Variants in UVRAG observed in about 807,000 individuals in gnomAD.
UVRAG encodes the protein UV radiation resistance associated.
UVRAG carries 19 observed loss-of-function variants against 78.0 expected under a neutral mutation model. The observed-to-expected ratio is 0.24, with a 90% CI of 0.17 to 0.36. UVRAG has a LOEUF of 0.36. Among genes scored for constraint, UVRAG ranks in the 10% least tolerant of loss-of-function variants. UVRAG has a pLI of 1.00. For missense variants in UVRAG, 740 were observed against 853.8 expected, an observed-to-expected ratio of 0.87 and a Z score of 1.66; for synonymous variants, 323 against 324.6, an observed-to-expected ratio of 1.00 and a Z score of 0.05.
At chr11:76,040,927 G>A (rs1263153785) in intron 12 of UVRAG, among the ~76,000 whole-genome samples, 2 of 152,116 alleles carry the variant, frequency 1.3e-5, no homozygotes, top group Non-Finnish European at 2.9e-5. Context: ...GACAAGGAGG[G>A]TTTGGTTGAA....
At chr11:75,900,046 T>C (rs927712649) in intron 5 of UVRAG, among the ~76,000 whole-genome samples, 3 of 152,212 alleles carry the variant, frequency 2.0e-5, no homozygotes, top group Non-Finnish European at 2.9e-5. Context: ...TCTGGGAAAA[T>C]GCCACGTTTC....
At chr11:76,074,519 T>A (rs1032306053) in intron 13 of UVRAG, among the ~76,000 whole-genome samples, 1 of 152,218 alleles carries the variant, frequency 6.6e-6, no homozygotes, top group African/African-American at 2.4e-5. Flanking sequence ...ATAATAATGA[T>A]GATTTACATT....
rs148462662 is a variant in UVRAG at position 76,084,950 on chromosome 11, G to A, written c.1305+19162G>A. On this transcript the variant is annotated intron_variant, in intron 13 of 14. Transcript: ENST00000356136. Reference sequence around the variant, plus strand: ...ATGGTGGCGGGTGCCTGTAATCCCAGCTACTCAAGAGGCTGAGGCGTGAGA... The same window carrying A: ...ATGGTGGCGGGTGCCTGTAATCCCAACTACTCAAGAGGCTGAGGCGTGAGA... 5.3e-3 allele frequency among the ~76,000 whole-genome samples: 805 copies of A among 150,940 alleles called. 6 individuals are homozygous for A. Among genetic ancestry groups the A allele is most frequent in the African/African-American group, 0.019 (773 of 41,056 alleles).
intron 6 of UVRAG, among the ~76,000 whole-genome samples, chr11:75,943,842 C>T (rs946906442): frequency 3.9e-5 from 6 of 152,128 alleles, no homozygotes; most frequent in African/African-American, 1.2e-4. Context: ...TGTGTTCTTC[C>T]CAACTATGTG....
intron 6 of UVRAG, among the ~76,000 whole-genome samples, chr11:75,952,471 C>A (rs1948721547): frequency 6.6e-6 from 1 of 151,536 alleles, no homozygotes; most frequent in Non-Finnish European, 1.5e-5. Flanking sequence ...TAACCATTAA[C>A]AGGTATTAAA....
chr11:75,963,068 C>G lies in UVRAG; in HGVS notation c.699+1519C>G, dbSNP rs1948938655. Among the ~76,000 whole-genome samples, 3 of 152,228 alleles carry G rather than the reference C, an allele frequency of 2.0e-5. No individual in the cohort carries two copies. In the East Asian group the frequency reaches 5.8e-4, roughly 29 times the overall value. On this transcript the variant is annotated intron_variant, in intron 7 of 14. Transcript: ENST00000356136. ...GAAATCATCTGGTTCCCTAATAACC[C>G]CATTCAAAACTATAGCCCCCTCAGT...
At chr11:76,125,098 AC>A (rs1565171160) in intron 14 of UVRAG, among the ~76,000 whole-genome samples, 2 of 152,130 alleles carry the variant, frequency 1.3e-5, no homozygotes, top group Non-Finnish European at 2.9e-5. Context: ...CTGGCAGATG[AC>A]CCTCTAGGGA....
In UVRAG at chr11:76,007,913, C is replaced by CTT. The variant is rs1387477321; in HGVS notation, c.999+303_999+304dup. 7.3e-3 allele frequency among the ~76,000 whole-genome samples: 1,056 copies of CTT among 145,480 alleles called. 13 individuals are homozygous for CTT. The highest frequency in any genetic ancestry group is 0.025 in the African/African-American group (1,001 of 40,066). On this transcript the variant is annotated intron_variant, in intron 10 of 14. Transcript: ENST00000356136. The stretch of plus-strand genomic sequence containing the variant: ...TTAACCACATTATCCATTATCACCA[C>CTT]TTTTTTTTTTTTGAGACGGAGTTTC...
chr11:75,983,399 G>A lies in UVRAG; in HGVS notation c.712G>A (p.Glu238Lys). 6.3e-7 allele frequency: 1 copy of A among 1,589,728 alleles called. No homozygotes were observed. Among genetic ancestry groups the A allele is most frequent in the Non-Finnish European group, 8.5e-7 (1 of 1,169,594 alleles). The change falls in exon 8 of 15, where the codon GAA (glutamate) becomes AAA (lysine). Residue 238 changes from glutamate (E) to lysine (K), a missense_variant. Physicochemically the swap from Glu to Lys is moderately conservative, Grantham distance 56. Transcript: ENST00000356136. The part of the protein sequence containing the change: ...STSNELKKKS[E>K]CLQLKILVLQ... ...TTTATTTATTTAGAAAAAAAAAAGT[G>A]AATGCCTGCAGTTAAAAATTTTGGT... is the stretch of plus-strand genomic sequence containing the variant.
At chr11:75,935,143 A>G (rs1948342132) in intron 6 of UVRAG, 1 of 152,222 alleles carries the variant, frequency 6.6e-6, no homozygotes, top group Admixed American at 6.5e-5. Flanking sequence ...AAGAATCACT[A>G]TTTTCATTGT....
chr11:76,125,943 G>A (rs562365873), intron 14 of UVRAG, among the ~76,000 whole-genome samples: 99 of 150,288 alleles, frequency 6.6e-4, no homozygotes, highest in African/African-American at 2.3e-3. Flanking sequence ...AAATATTCTG[G>A]CAGTCACTTT....
intron 6 of UVRAG, among the ~76,000 whole-genome samples, chr11:75,948,820 G>A (rs1948629854): frequency 6.6e-6 from 1 of 152,106 alleles, no homozygotes; most frequent in Non-Finnish European, 1.5e-5. Context: ...CAGAGAAGAA[G>A]AAAGATAAAG....
chr11:75,815,231 C>A lies in UVRAG; in HGVS notation c.-177C>A, dbSNP rs1565325840. 6.7e-6 allele frequency: 3 copies of A among 445,286 alleles called. No individual in the cohort carries two copies. The highest frequency in any genetic ancestry group is 1.2e-5 in the Non-Finnish European group (3 of 255,094). The allele number at this position is 445,286 out of a possible 1,614,324, so 27.6% of individuals were successfully genotyped here. A position where few individuals can be genotyped will look rare whatever the true frequency, so the allele number is the denominator to read the frequency against. On this transcript the variant is annotated 5_prime_UTR_variant, in exon 1 of 15. Coordinates refer to ENST00000356136, the MANE Select transcript of UVRAG (RefSeq NM_003369.4). ...CTGCGGTAATATGGCTCTTCCTTAGCCAGCGGCGGCAACGGCGGCAGCGGC... is the reference window on the plus strand; with the variant it reads ...CTGCGGTAATATGGCTCTTCCTTAGACAGCGGCGGCAACGGCGGCAGCGGC...
chr11:75,918,141 C>T (rs1340470771), intron 6 of UVRAG, among the ~76,000 whole-genome samples: 2 of 146,012 alleles, frequency 1.4e-5, no homozygotes, highest in African/African-American at 2.6e-5. Context: ...CCGAGACGGG[C>T]AGATCATGAG....
At chr11:75,844,930 T>C (rs534094546) in intron 1 of UVRAG, among the ~76,000 whole-genome samples, 9 of 152,318 alleles carry the variant, frequency 5.9e-5, no homozygotes, top group Non-Finnish European at 7.3e-5. Flanking sequence ...CCTCCCAAAG[T>C]GCTGGGATTG....
At chr11:76,018,220 C>A (rs1381509137) in intron 12 of UVRAG, among the ~76,000 whole-genome samples, 1 of 150,700 alleles carries the variant, frequency 6.6e-6, no homozygotes, top group Non-Finnish European at 1.5e-5. Context: ...TTGCCTTCAG[C>A]ACTTTAAATA....
chr11:75,936,584 C>T (rs1670185219), intron 6 of UVRAG, among the ~76,000 whole-genome samples: 2 of 152,184 alleles, frequency 1.3e-5, no homozygotes, highest in African/African-American at 4.8e-5. Context: ...ATGGGAATCT[C>T]TTCAATCTGG....
At chr11:76,016,618 A>T (rs1950149690) in intron 11 of UVRAG, among the ~76,000 whole-genome samples, 197 bp from the exon 12 acceptor site, 1 of 152,172 alleles carries the variant, frequency 6.6e-6, no homozygotes, top group East Asian at 1.9e-4. Context: ...GAAATAGTTT[A>T]AAATACAGTT....
chr11:76,087,149 T>C (rs1951602155), intron 13 of UVRAG, among the ~76,000 whole-genome samples: 1 of 152,230 alleles, frequency 6.6e-6, no homozygotes, highest in African/African-American at 2.4e-5. Context: ...TGAGTCCTAA[T>C]GTTTCTACAT....
Sources: allele counts gnomAD v4.1 joint callset (sites outside exome capture counted in the v4.1 genomes callset), GRCh38; gene constraint gnomAD v4.1.1; transcripts MANE v1.5; gene names NCBI Gene and HGNC (gene_info 2026-07-23, HGNC 2026-07-21).